The following PEX7 variants were observed in gnomAD, a reference collection of about 807,000 sequenced individuals.
PEX7 encodes the protein peroxisomal biogenesis factor 7, also known as PTS2 receptor.
PEX7 carries 34 observed loss-of-function variants against 47.5 expected under a neutral mutation model. The ratio of observed to expected loss-of-function variants is 0.72; its 90% CI spans 0.54 to 0.95. The LOEUF (loss-of-function observed/expected upper bound fraction) is 0.95. Among genes scored for constraint, PEX7 ranks in the 40% least tolerant of loss-of-function variants. The probability of loss-of-function intolerance (pLI) is 0.00; values close to 1 mark genes in which losing one functional copy is unlikely to be tolerated. For synonymous variants in PEX7, 141 were observed against 148.8 expected (o/e 0.95, Z 0.38); for missense variants, 394 against 400.3 (o/e 0.98, Z 0.13).
intron 3 of PEX7, among the ~76,000 whole-genome samples, chr6:136,843,325 G>C (rs570845880): frequency 6.6e-6 from 1 of 152,326 alleles, no homozygotes; most frequent in Admixed American, 6.5e-5. Flanking sequence ...GTTCAATAAA[G>C]GTTTGCTATT....
chr6:136,869,817 T>C (rs1775141527), intron 6 of PEX7, 73 bp from the exon 7 acceptor site: 1 of 1,081,206 alleles, frequency 9.2e-7, no homozygotes, highest in Non-Finnish European at 1.4e-6. Flanking sequence ...CAGATGTTGT[T>C]TCTAGTAGGA....
chr6:136,913,433 T>A, intron 9 of PEX7, 25 bp from the exon 10 acceptor site: 2 of 1,558,034 alleles, frequency 1.3e-6, no homozygotes, highest in Non-Finnish European at 1.8e-6. Context: ...AATACGTTTC[T>A]TCTTACTTCA....
chr6:136,898,073 A>AT, intron 8 of PEX7, 69 bp from the exon 9 acceptor site: 5 of 932,314 alleles, frequency 5.4e-6, no homozygotes, highest in Non-Finnish European at 8.8e-6. Context: ...TCAAATATCT[A>AT]TTTTTTCTTA....
intron 8 of PEX7, among the ~76,000 whole-genome samples, chr6:136,879,155 TG>T (rs1775331296): frequency 6.6e-6 from 1 of 152,020 alleles, no homozygotes; most frequent in Admixed American, 6.6e-5. Context: ...ACATATCATA[TG>T]ATATATTTTT....
intron 3 of PEX7, among the ~76,000 whole-genome samples, chr6:136,833,804 A>G (rs560806761): frequency 3.3e-4 from 50 of 152,352 alleles, no homozygotes; most frequent in African/African-American, 1.2e-3. Context: ...TTTTAAAAGC[A>G]TTTACCTTCT....
rs1040023155 is a variant in PEX7 at position 136,826,371 on chromosome 6, C to A, written c.241C>A (p.His81Asn). 1.2e-6 allele frequency: 2 copies of A among 1,613,810 alleles called. No homozygotes were observed. Among genetic ancestry groups the A allele is most frequent in the South Asian group, 1.1e-5 (1 of 91,064 alleles). The change falls in exon 3 of 10, where the codon CAT (histidine) becomes AAT (asparagine). Residue 81 changes from histidine (H) to asparagine (N), a missense_variant. By Grantham distance (68) the His-to-Asn change is moderately conservative. Transcript: ENST00000318471. ...FDVTWSENNE[H>N]VLITCSGDGS... ...TGTGACTTGGAGTGAGAACAACGAACATGTCCTCATCACCTGTAGTGGCGA... is the reference window on the plus strand; with the variant it reads ...TGTGACTTGGAGTGAGAACAACGAAAATGTCCTCATCACCTGTAGTGGCGA...
rs928221561 is a variant in PEX7 at position 136,857,969 on chromosome 6, C to T, written c.527-8658C>T. Among the ~76,000 whole-genome samples the T allele has an allele frequency of 2.0e-5, 3 of 152,046 alleles. No homozygotes were observed. The South Asian group carries it at 6.2e-4, about 32-fold the overall frequency. On this transcript the variant is annotated intron_variant, in intron 5 of 9. Transcript: ENST00000318471. Reference sequence around the variant, plus strand: ...ACTAGCTAGGGCCACAGGTGTGCGCCACCACCCAGCTAATTTTTGTATTTT... The same window carrying T: ...ACTAGCTAGGGCCACAGGTGTGCGCTACCACCCAGCTAATTTTTGTATTTT...
chr6:136,882,720 G>A (rs764431540), intron 8 of PEX7, among the ~76,000 whole-genome samples: 1 of 152,032 alleles, frequency 6.6e-6, no homozygotes, highest in African/African-American at 2.4e-5. Flanking sequence ...ACTTTACGCC[G>A]TGAAGTGACC....
At chr6:136,893,514 T>A (rs1345876417) in intron 8 of PEX7, among the ~76,000 whole-genome samples, 1 of 152,232 alleles carries the variant, frequency 6.6e-6, no homozygotes, top group African/African-American at 2.4e-5. Context: ...TTTAAAAACA[T>A]GTCAGTTGAT....
chr6:136,849,720 GT>G (rs1774701344), intron 5 of PEX7, among the ~76,000 whole-genome samples: 1 of 152,172 alleles, frequency 6.6e-6, no homozygotes, highest in Admixed American at 6.5e-5. Flanking sequence ...CCGGGAGAAA[GT>G]TTGTTATAAT....
chr6:136,826,257 T>A, intron 2 of PEX7, 62 bp from the exon 3 acceptor site: 1 of 1,548,440 alleles, frequency 6.5e-7, no homozygotes. Flanking sequence ...GTTATTTTTT[T>A]TGTTGTGTAG....
At position 136,900,715 on chromosome 6, in the gene PEX7, G is replaced by A. The variant is rs987321165; in HGVS notation, c.903+2474G>A. 45 of 344,810 alleles carry A rather than the reference G, an allele frequency of 1.3e-4. No homozygotes were observed. The highest frequency in any genetic ancestry group is 9.0e-4 in the African/African-American group (41 of 45,744). The allele number at this position is 344,810 out of a possible 1,614,324, so 21.4% of individuals were successfully genotyped here. A position where few individuals can be genotyped will look rare whatever the true frequency, so the allele number is the denominator to read the frequency against. ...GTCATGTGCAGTCACCGCCAGCTGA[G>A]CCTTCTTCTTCTCCACCAAGGTGGT... On this transcript the variant is annotated intron_variant, in intron 9 of 9. Coordinates refer to ENST00000318471, the MANE Select transcript of PEX7 (RefSeq NM_000288.4). This position sits in a 1 kb window ranked among gnomAD's most constrained non-coding sequence, Gnocchi z 4.2.
chr6:136,913,559 T>C lies in PEX7; in HGVS notation c.*33T>C, dbSNP rs1324031876. ...TACTTTGGTCAGAAACAGAGGATGT[T>C]GGCTGAAGAACTGCCTAACAGCAAA... is the stretch of plus-strand genomic sequence containing the variant. On this transcript the variant is annotated 3_prime_UTR_variant, in exon 10 of 10. Coordinates refer to ENST00000318471, the MANE Select transcript of PEX7 (RefSeq NM_000288.4). 2.9e-6 allele frequency: 4 copies of C among 1,398,406 alleles called. No homozygotes were observed. In the East Asian group the frequency reaches 9.1e-5, roughly 32 times the overall value. The allele number at this position is 1,398,406 out of a possible 1,614,324, so 86.6% of individuals were successfully genotyped here.
At chr6:136,830,189 T>G in intron 3 of PEX7, 1 of 608,400 alleles carries the variant, frequency 1.6e-6, no homozygotes, top group Non-Finnish European at 2.9e-6. Context: ...TAAACTTGAG[T>G]GTTTTTATTT....
At chr6:136,906,866 G>T (rs1775853796) in intron 9 of PEX7, among the ~76,000 whole-genome samples, 1 of 152,028 alleles carries the variant, frequency 6.6e-6, no homozygotes. Flanking sequence ...TTTTATCATT[G>T]TCATCTTTGC....
At position 136,822,763 on chromosome 6, in the gene PEX7, C is replaced by T. The variant is rs1382559456; in HGVS notation, c.98C>T (p.Ala33Val). The T allele has an allele frequency of 1.5e-5, 22 of 1,471,744 alleles. No individual in the cohort carries two copies. Among genetic ancestry groups the T allele is most frequent in the Non-Finnish European group, 1.9e-5 (21 of 1,118,120 alleles). 91.2% of individuals were successfully genotyped at this position (1,471,744 alleles called of 1,614,324 possible). Residue 33 changes from alanine (A) to valine (V), a missense_variant, in exon 1 of 10, where the codon GCC becomes GTC. Ala to Val is a moderately conservative substitution (Grantham distance 64). Transcript: ENST00000318471. ...EFSPYLPGRL[A>V]CATAQHYGIA... is the part of the protein sequence containing the mutation. ...TCCCCGTACCTGCCGGGCCGCCTGG[C>T]CTGCGCCACCGCGCAGCACTACGGC...
chr6:136,912,719 A>T (rs1264211497), intron 9 of PEX7, among the ~76,000 whole-genome samples: 1 of 152,240 alleles, frequency 6.6e-6, no homozygotes, highest in Admixed American at 6.5e-5. Context: ...CATAAATTTT[A>T]AAAATTGCCT....
chr6:136,866,816 A>G, intron 6 of PEX7, 83 bp downstream of exon 6: 1 of 1,196,372 alleles, frequency 8.4e-7, no homozygotes, highest in Non-Finnish European at 1.2e-6. Context: ...GTTTATGTGG[A>G]CTTTGGTGGT....
chr6:136,824,090 C>T (rs1336197056), intron 1 of PEX7, among the ~76,000 whole-genome samples: 3 of 152,176 alleles, frequency 2.0e-5, no homozygotes, highest in African/African-American at 7.2e-5. Context: ...CAGAGAAATA[C>T]TTGATTTATT....
Sources: gnomAD v4.1 joint callset for allele counts (sites outside exome capture counted in the v4.1 genomes callset) on GRCh38, gnomAD v4.1.1 for gene constraint, Gnocchi (gnomAD v3.1) non-coding constraint, MANE v1.5 for transcripts, NCBI Gene and HGNC (gene_info 2026-07-23, HGNC 2026-07-21) for gene names.